WDR41: variants seen among roughly 807,000 people sequenced by gnomAD.
WDR41 encodes WD repeat domain 41, also known as WD repeat-containing protein 41.
A neutral mutation model predicts 69.3 loss-of-function variants in WDR41; 63 were observed. That is an observed-to-expected ratio of 0.91 (90% CI 0.74 to 1.12). The LOEUF (loss-of-function observed/expected upper bound fraction) is 1.12, where lower values mean the gene tolerates loss of function less well. Among genes scored for constraint, WDR41 ranks in the 50% most tolerant of loss-of-function variants. WDR41 has a pLI of 0.00. For missense variants in WDR41, 543 were observed against 534.5 expected (o/e 1.02, Z -0.16); for synonymous variants, 185 against 192.1 (o/e 0.96, Z 0.31).
intron 12 of WDR41, among the ~76,000 whole-genome samples, chr5:77,435,045 A>T (rs1798885965): frequency 6.6e-6 from 1 of 152,154 alleles, no homozygotes; most frequent in Admixed American, 6.5e-5. Flanking sequence ...TGTTCACAGG[A>T]ACCCAGCGCT....
chr5:77,491,941 C>T (rs917343952), intron 1 of WDR41: 18 of 542,566 alleles, frequency 3.3e-5, no homozygotes, highest in African/African-American at 1.4e-4. Flanking sequence ...TGGGACGGGG[C>T]CGGGGGTCTG....
chr5:77,442,993 C>CAAAT (rs1799236456), intron 8 of WDR41, among the ~76,000 whole-genome samples: 1 of 142,784 alleles, frequency 7.0e-6, no homozygotes, highest in African/African-American at 2.7e-5. Context: ...AGTCTTATTT[C>CAAAT]AAATAAATGT....
rs571227344 is a variant in WDR41, at chr5:77,612,470, G to T, written c.42+8009C>A. Among the ~76,000 whole-genome samples, 20 of 152,274 alleles carry T rather than the reference G, an allele frequency of 1.3e-4. 1 individual carries two copies. Among genetic ancestry groups the T allele is most frequent in the Middle Eastern group, 3.4e-3 (1 of 294 alleles). ...ATGATCAAGTGGGCTTCATTCCTGG[G>T]ATGCAAGGCTGGTTCAATATATGCA... On this transcript the variant is annotated intron_variant, in intron 1 of 5. Coordinates refer to the WDR41 transcript ENST00000509971.
chr5:77,552,108 A>G (rs1015271957), intron 1 of WDR41, among the ~76,000 whole-genome samples: 4 of 150,962 alleles, frequency 2.6e-5, no homozygotes, highest in Admixed American at 6.6e-5. Flanking sequence ...AAAAAAATGC[A>G]ATTGATGCAG....
chr5:77,545,007 T>C (rs955851702), intron 1 of WDR41, among the ~76,000 whole-genome samples: 9 of 151,942 alleles, frequency 5.9e-5, no homozygotes, highest in African/African-American at 2.2e-4. Context: ...GGAAATCAAC[T>C]CCAAAAAGTA....
At chr5:77,458,221 T>C (rs912848049) in intron 5 of WDR41, among the ~76,000 whole-genome samples, 32 of 152,136 alleles carry the variant, frequency 2.1e-4, no homozygotes, top group African/African-American at 7.7e-4. Context: ...CATGGCACTT[T>C]CTTCCCCTGA....
At chr5:77,606,969 A>G (rs1744432943) in intron 1 of WDR41, among the ~76,000 whole-genome samples, 1 of 151,902 alleles carries the variant, frequency 6.6e-6, no homozygotes, top group African/African-American at 2.4e-5. Context: ...ACATACTACC[A>G]AACTGTGACT....
At chr5:77,519,172 G>T (rs1258984084) in intron 1 of WDR41, among the ~76,000 whole-genome samples, 1 of 151,862 alleles carries the variant, frequency 6.6e-6, no homozygotes, top group Non-Finnish European at 1.5e-5. Flanking sequence ...ATTTATTAGG[G>T]TATTCTGCCT....
intron 1 of WDR41, among the ~76,000 whole-genome samples, chr5:77,542,260 C>T (rs769929073): frequency 8.6e-5 from 13 of 151,984 alleles, no homozygotes; most frequent in Non-Finnish European, 1.2e-4. Context: ...ACAACACGCA[C>T]GGGGGCCTAC....
intron 2 of WDR41, among the ~76,000 whole-genome samples, chr5:77,472,934 T>C (rs907171678): frequency 2.6e-5 from 4 of 152,276 alleles, no homozygotes; most frequent in African/African-American, 9.6e-5. Context: ...CACGTTCATA[T>C]GGAACCAAAA....
intron 1 of WDR41, among the ~76,000 whole-genome samples, chr5:77,550,744 A>G (rs1213252002): frequency 6.6e-6 from 1 of 152,352 alleles, no homozygotes; most frequent in East Asian, 1.9e-4. Flanking sequence ...ATTATAACCA[A>G]AGACAAATAA....
intron 1 of WDR41, among the ~76,000 whole-genome samples, chr5:77,556,177 C>T (rs548077556): frequency 6.7e-6 from 1 of 149,732 alleles, no homozygotes; most frequent in Admixed American, 6.7e-5. Flanking sequence ...GATCTCGGCC[C>T]GCTGCAACCT....
chr5:77,543,564 C>G (rs1743133167), intron 1 of WDR41, among the ~76,000 whole-genome samples: 1 of 151,956 alleles, frequency 6.6e-6, no homozygotes, highest in African/African-American at 2.4e-5. Context: ...ATTCAGAGCT[C>G]AAAGACAAGG....
chr5:77,525,506 A>G (rs1802432292), intron 1 of WDR41, among the ~76,000 whole-genome samples: 1 of 152,098 alleles, frequency 6.6e-6, no homozygotes, highest in African/African-American at 2.4e-5. Context: ...AGAGAGACCA[A>G]CTCTTTCTAG....
chr5:77,551,789 C>A (rs900228017), intron 1 of WDR41, among the ~76,000 whole-genome samples: 1 of 151,016 alleles, frequency 6.6e-6, no homozygotes, highest in Non-Finnish European at 1.5e-5. Flanking sequence ...ACCAGCCTGG[C>A]CAACATGGTG....
In WDR41 at chr5:77,476,118, G is replaced by C. The variant is rs1412540059; in HGVS notation, c.168-11309C>G. On this transcript the variant is annotated intron_variant, in intron 2 of 12. Transcript: ENST00000296679. ...GAAATGAAGCGAGAAGGGAAGTTTA[G>C]AGAAAAAAAGAATAAAAAGAAATGA... Among the ~76,000 whole-genome samples, 5 of 109,380 alleles carry C rather than the reference G, an allele frequency of 4.6e-5. No homozygotes were observed. The East Asian group carries it at 1.3e-3, about 28-fold the overall frequency. The allele number at this position is 109,380 out of a possible 152,430, so 71.8% of individuals were successfully genotyped here. A position where few individuals can be genotyped will look rare whatever the true frequency, so the allele number is the denominator to read the frequency against.
chr5:77,602,758 G>C (rs915242703), intron 1 of WDR41, among the ~76,000 whole-genome samples: 4 of 151,996 alleles, frequency 2.6e-5, no homozygotes, highest in Admixed American at 6.6e-5. Context: ...ATTTCCTTTG[G>C]ATAAATGCCC....
At chr5:77,541,272 C>A (rs761850778) in intron 1 of WDR41, among the ~76,000 whole-genome samples, 3 of 151,970 alleles carry the variant, frequency 2.0e-5, no homozygotes, top group African/African-American at 7.2e-5. Flanking sequence ...AAGCAAACAA[C>A]CCCAATATAA....
intron 8 of WDR41, among the ~76,000 whole-genome samples, chr5:77,443,301 T>G (rs1235449571): frequency 6.6e-6 from 1 of 152,220 alleles, no homozygotes; most frequent in East Asian, 1.9e-4. Flanking sequence ...TACTTGTTAA[T>G]TTAGGAATAT....
Sources: allele counts gnomAD v4.1 joint callset (sites outside exome capture counted in the v4.1 genomes callset), GRCh38; gene constraint gnomAD v4.1.1; transcripts MANE v1.5; gene names NCBI Gene and HGNC (gene_info 2026-07-23, HGNC 2026-07-21).